HAUS2: variants seen among roughly 807,000 people sequenced by gnomAD.
HAUS2 encodes HAUS augmin like complex subunit 2, also known as HAUS augmin-like complex subunit 2.
A neutral mutation model predicts 21.6 loss-of-function variants in HAUS2; 20 were observed. The observed-to-expected ratio is 0.93, with a 90% CI of 0.65 to 1.35. The LOEUF is 1.35. Ranked by LOEUF, HAUS2 falls within the 40% of genes most tolerant of loss-of-function variation. The probability of loss-of-function intolerance (pLI) is 0.00; values close to 1 mark genes in which losing one functional copy is unlikely to be tolerated. For missense variants in HAUS2, 297 were observed against 280.7 expected, an observed-to-expected ratio of 1.06 and a Z score of -0.42; for synonymous variants, 113 against 95.6, an observed-to-expected ratio of 1.18 and a Z score of -1.06.
Position 42,558,308 on chromosome 15 carries a change from C to G in HAUS2, c.186+18C>G. On this transcript the variant is annotated intron_variant, in intron 2 of 5. Coordinates refer to ENST00000260372, the MANE Select transcript of HAUS2 (RefSeq NM_018097.3). ...TCTACCAGGTAAATCATTTTGTTTT[C>G]ACTTTCTTTTTTTTTTTTTTTTTTT... is the stretch of plus-strand genomic sequence containing the variant. 1.6e-6 allele frequency: 1 copy of G among 626,950 alleles called. No homozygotes were observed. 38.8% of individuals were successfully genotyped at this position (626,950 alleles called of 1,614,324 possible).
intron 1 of HAUS2, among the ~76,000 whole-genome samples, chr15:42,556,775 C>A (rs186657452): frequency 6.8e-6 from 1 of 147,148 alleles, no homozygotes; most frequent in African/African-American, 2.5e-5. Flanking sequence ...GAGGCTGAGG[C>A]GGGTGGATCA....
At chr15:42,561,946 A>G (rs1347473167) in intron 4 of HAUS2, among the ~76,000 whole-genome samples, 1 of 152,150 alleles carries the variant, frequency 6.6e-6, no homozygotes, top group African/African-American at 2.4e-5. Context: ...CAAGTATCAA[A>G]TTGAAGATGT....
intron 5 of HAUS2, among the ~76,000 whole-genome samples, chr15:42,564,715 C>A (rs2057888736): frequency 6.6e-6 from 1 of 152,180 alleles, no homozygotes; most frequent in Non-Finnish European, 1.5e-5. Context: ...TTTCGAACTC[C>A]TAAGCTCAAG....
At chr15:42,565,895 G>A (rs1441025869) in intron 5 of HAUS2, among the ~76,000 whole-genome samples, 1 of 152,138 alleles carries the variant, frequency 6.6e-6, no homozygotes, top group Non-Finnish European at 1.5e-5. Context: ...GTAGTATCAA[G>A]TGTGGGTTAA....
Position 42,567,028 on chromosome 15 carries a change from G to T in HAUS2, c.*212G>T. 1 of 400,702 alleles carries T rather than the reference G, an allele frequency of 2.5e-6. No homozygotes were observed. The highest frequency in any genetic ancestry group is 4.5e-6 in the Non-Finnish European group (1 of 223,164). 24.8% of individuals were successfully genotyped at this position (400,702 alleles called of 1,614,324 possible). A position where few individuals can be genotyped will look rare whatever the true frequency, so the allele number is the denominator to read the frequency against. On this transcript the variant is annotated 3_prime_UTR_variant, in exon 6 of 6. Transcript: ENST00000260372. ...TCTACCTTTCAGTAAAACTAGAGAA[G>T]CTAAAAAATAGCCATGACAATTTAT...
chr15:42,560,952 C>T, intron 3 of HAUS2: 2 of 636,604 alleles, frequency 3.1e-6, no homozygotes. Flanking sequence ...GGAAAAAAGA[C>T]TTTGTGTTAA....
chr15:42,562,747 A>G (rs2141603879), intron 4 of HAUS2, among the ~76,000 whole-genome samples: 1 of 152,360 alleles, frequency 6.6e-6, no homozygotes, highest in Middle Eastern at 3.4e-3. Context: ...GTAGCTTTCT[A>G]TGTAGGCTAT....
chr15:42,552,765 C>T (rs2057738254), intron 1 of HAUS2, among the ~76,000 whole-genome samples: 1 of 152,160 alleles, frequency 6.6e-6, no homozygotes, highest in South Asian at 2.1e-4. Flanking sequence ...AAAAAACCCA[C>T]AGAATCTACT....
chr15:42,556,329 A>G (rs2057774569), intron 1 of HAUS2, among the ~76,000 whole-genome samples: 2 of 137,690 alleles, frequency 1.5e-5, no homozygotes, highest in African/African-American at 2.8e-5. Flanking sequence ...TGCAGTGGCA[A>G]TCTCAGCTCA....
chr15:42,560,793 T>G, intron 3 of HAUS2: 1 of 702,060 alleles, frequency 1.4e-6, no homozygotes, highest in Non-Finnish European at 2.6e-6. Context: ...GATGAAGTCT[T>G]GCTATGTTGC....
At chr15:42,558,338 T>TTTTTA in intron 2 of HAUS2, 48 bp downstream of exon 2, 1 of 650,554 alleles carries the variant, frequency 1.5e-6, no homozygotes, top group Non-Finnish European at 2.6e-6. Context: ...TTTTTTTTTT[T>TTTTTA]GAGACGGAGT....
rs943263936 is a variant in HAUS2 at position 42,568,038 on chromosome 15, T to C, written c.*1222T>C. The C allele has an allele frequency of 6.6e-6, 1 of 150,802 alleles. No individual in the cohort carries two copies. The allele number at this position is 150,802 out of a possible 1,614,324, so 9.3% of individuals were successfully genotyped here. On this transcript the variant is annotated 3_prime_UTR_variant, in exon 6 of 6. Coordinates refer to ENST00000260372, the MANE Select transcript of HAUS2 (RefSeq NM_018097.3). ...CTTAAAAAAAAAAAAAAAAGGTGTT[T>C]CTGAATTAGAAGGGTCTTCTTGAAT...
rs568787042 is a variant in HAUS2 at position 42,567,329 on chromosome 15, A to T, written c.*513A>T. The T allele has an allele frequency of 6.4e-6, 1 of 156,114 alleles. No individual in the cohort carries two copies. Among genetic ancestry groups the T allele is most frequent in the Non-Finnish European group, 1.4e-5 (1 of 71,048 alleles). The allele number at this position is 156,114 out of a possible 1,614,324, so 9.7% of individuals were successfully genotyped here. ...GGTAAGAGGATCACCTAAGCCTGTG[A>T]GGTCATGGTTGCAATGAGTCATGAT... is the stretch of plus-strand genomic sequence containing the variant. On this transcript the variant is annotated 3_prime_UTR_variant, in exon 6 of 6. Coordinates refer to ENST00000260372, the MANE Select transcript of HAUS2 (RefSeq NM_018097.3).
chr15:42,549,860 GA>G (rs2057703968), intron 1 of HAUS2, among the ~76,000 whole-genome samples: 3 of 148,624 alleles, frequency 2.0e-5, no homozygotes, highest in Admixed American at 6.8e-5. Flanking sequence ...GGAGAGAAAA[GA>G]GACATTAACC....
At chr15:42,559,060 T>C (rs1450858482) in intron 2 of HAUS2, among the ~76,000 whole-genome samples, 1 of 152,064 alleles carries the variant, frequency 6.6e-6, no homozygotes, top group Non-Finnish European at 1.5e-5. Flanking sequence ...TAATAGTAGT[T>C]ACAGTAATAG....
intron 1 of HAUS2, among the ~76,000 whole-genome samples, chr15:42,550,158 G>A (rs550345007): frequency 3.3e-5 from 5 of 152,102 alleles, no homozygotes; most frequent in East Asian, 1.9e-4. Context: ...CAACTACTCC[G>A]CGGACCACAT....
intron 3 of HAUS2, chr15:42,560,845 AG>A (rs2057844030): frequency 1.4e-6 from 1 of 702,130 alleles, no homozygotes. Context: ...CTCCCGTTTC[AG>A]TCTCCCAAAA....
At chr15:42,565,638 G>C (rs1159658904) in intron 5 of HAUS2, among the ~76,000 whole-genome samples, 1 of 152,090 alleles carries the variant, frequency 6.6e-6, no homozygotes, top group Non-Finnish European at 1.5e-5. Context: ...GTTTTAACAA[G>C]TTCCTCAGGT....
chr15:42,563,164 C>T (rs555500793), intron 4 of HAUS2, among the ~76,000 whole-genome samples: 1 of 150,720 alleles, frequency 6.6e-6, no homozygotes, highest in East Asian at 1.9e-4. Flanking sequence ...TGCCTGTAAT[C>T]CCAGCACTTT....
Sources: allele counts gnomAD v4.1 joint callset (sites outside exome capture counted in the v4.1 genomes callset), GRCh38; gene constraint gnomAD v4.1.1; transcripts MANE v1.5; gene names NCBI Gene and HGNC (gene_info 2026-07-23, HGNC 2026-07-21).